ABL1: variants seen among roughly 807,000 people sequenced by gnomAD.
The protein encoded by ABL1 is ABL proto-oncogene 1, non-receptor tyrosine kinase.
In ABL1, 11 loss-of-function variants were observed where a neutral mutation model predicts 94.7. The ratio of observed to expected loss-of-function variants is 0.12; its 90% CI spans 0.07 to 0.19. The LOEUF (loss-of-function observed/expected upper bound fraction) is 0.19. ABL1 is among the 10% of genes least tolerant of loss of function. The pLI, the probability that ABL1 is intolerant of heterozygous loss-of-function variation, is 1.00. For missense variants in ABL1, 1,082 were observed against 1,489.4 expected, an observed-to-expected ratio of 0.73 and a Z score of 4.50; for synonymous variants, 656 against 622.4, an observed-to-expected ratio of 1.05 and a Z score of -0.80.
chr9:130,758,675 C>T (rs536287050), intron 1 of ABL1, among the ~76,000 whole-genome samples: 5 of 152,166 alleles, frequency 3.3e-5, no homozygotes, highest in Non-Finnish European at 7.3e-5. Context: ...TCAAGTGATC[C>T]ATCCACCTCG....
At chr9:130,765,086 A>G (rs1041129126) in intron 1 of ABL1, among the ~76,000 whole-genome samples, 1 of 152,092 alleles carries the variant, frequency 6.6e-6, no homozygotes, top group African/African-American at 2.4e-5. Context: ...TTTTGTCAAG[A>G]TGATTTTTTT....
At chr9:130,803,102 C>G (rs1042293237) in intron 1 of ABL1, among the ~76,000 whole-genome samples, 8 of 152,232 alleles carry the variant, frequency 5.3e-5, no homozygotes, top group Non-Finnish European at 1.0e-4. Flanking sequence ...TGCAATGGCG[C>G]GATCTCAGCT....
intron 1 of ABL1, among the ~76,000 whole-genome samples, chr9:130,811,194 G>A (rs1274544367): frequency 6.6e-6 from 1 of 152,102 alleles, no homozygotes; most frequent in East Asian, 1.9e-4. Flanking sequence ...AATGATAACT[G>A]GTAGAAAACT....
At position 130,884,464 on chromosome 9, in the gene ABL1, G is replaced by A; in HGVS notation, c.2174G>A (p.Gly725Glu). The change falls in exon 11 of 11, where the codon GGG becomes GAG. Residue 725 changes from glycine (G) to glutamate (E), a missense_variant. Gly to Glu is a moderately conservative substitution (Grantham distance 98). This residue lies in a region of ABL1 where 780 missense variants were observed against 835.8 expected (regional missense o/e 0.93). Coordinates refer to ENST00000318560, the MANE Select transcript of ABL1 (RefSeq NM_005157.6). The surrounding 1 kb of genome is among the most constrained non-coding windows in gnomAD (Gnocchi z 5.6). ...RSCSASCVPH[G>E]AKDTEWRSVT... is the part of the protein sequence containing the mutation. ...TGCTCCGCCTCCTGCGTTCCCCATG[G>A]GGCCAAGGACACGGAGTGGAGGTCA... 3 of 1,612,996 alleles carry A rather than the reference G, an allele frequency of 1.9e-6. No homozygotes were observed. The highest frequency in any genetic ancestry group is 2.5e-6 in the Non-Finnish European group (3 of 1,179,998).
chr9:130,864,620 G>T (rs969961732), intron 4 of ABL1, among the ~76,000 whole-genome samples: 9 of 152,306 alleles, frequency 5.9e-5, no homozygotes, highest in African/African-American at 2.2e-4. Context: ...CTCAACACTG[G>T]ATTAGAAAAT....
intron 1 of ABL1, among the ~76,000 whole-genome samples, chr9:130,793,225 C>G (rs1170522293): frequency 6.6e-6 from 1 of 152,170 alleles, no homozygotes; most frequent in East Asian, 1.9e-4. Context: ...CGCGCCTGGC[C>G]AAGGGTAATA....
chr9:130,750,474 CAG>C (rs1831949129), intron 1 of ABL1, among the ~76,000 whole-genome samples: 1 of 119,936 alleles, frequency 8.3e-6, no homozygotes, highest in African/African-American at 3.2e-5. Flanking sequence ...TCTTTTTTGA[CAG>C]AGTCTCACTG....
chr9:130,807,761 G>A (rs1295317502), intron 1 of ABL1, among the ~76,000 whole-genome samples: 2 of 137,892 alleles, frequency 1.5e-5, no homozygotes, highest in Admixed American at 7.6e-5. Flanking sequence ...GCAATGGTGC[G>A]ATCTCGGCTC....
chr9:130,721,822 G>GTTTT (rs746954089), intron 1 of ABL1, among the ~76,000 whole-genome samples: 14 of 120,878 alleles, frequency 1.2e-4, no homozygotes, highest in East Asian at 2.4e-4. Flanking sequence ...GTTTTTTTTT[G>GTTTT]TTTTTTTTTT....
At position 130,742,434 on chromosome 9, in the gene ABL1, C is replaced by T. The variant is rs544965741; in HGVS notation, c.136+27979C>T. ...GAAGTGCATTGGGAAAACTGGAGGC[C>T]ATTACTAGATTTACAGATGATGGGC... is the stretch of plus-strand genomic sequence containing the variant. On this transcript the variant is annotated intron_variant, in intron 1 of 10. Transcript: ENST00000372348. Among the ~76,000 whole-genome samples, 30 of 152,172 alleles carry T rather than the reference C, an allele frequency of 2.0e-4. 1 individual carries two copies. In the East Asian group the frequency reaches 5.8e-3, roughly 29 times the overall value.
At chr9:130,788,528 C>T (rs181487123) in intron 1 of ABL1, among the ~76,000 whole-genome samples, 46 of 152,156 alleles carry the variant, frequency 3.0e-4, no homozygotes, top group South Asian at 8.3e-4. Flanking sequence ...ACCTAAAATC[C>T]GTATTCCAAT....
chr9:130,714,478 G>C, intron 1 of ABL1: 1 of 1,614,160 alleles, frequency 6.2e-7, no homozygotes, highest in East Asian at 2.2e-5. Context: ...CAAAATTTCT[G>C]CTCATGGTTT....
At position 130,814,800 on chromosome 9, in the gene ABL1, C is replaced by T. The variant is rs1830261544; in HGVS notation, c.137-39264C>T. 6.6e-6 allele frequency among the ~76,000 whole-genome samples: 1 copy of T among 151,864 alleles called. No homozygotes were observed. The highest frequency in any genetic ancestry group is 2.4e-5 in the African/African-American group (1 of 41,330). ...GCTGAGGCAGGAGAATGGCTTGAAC[C>T]TGGGAGGCGGAGCTTGCAGTGAGCC... On this transcript the variant is annotated intron_variant, in intron 1 of 10. Coordinates refer to the ABL1 transcript ENST00000372348. The surrounding 1 kb of genome is among the most constrained non-coding windows in gnomAD (Gnocchi z 4.4).
intron 1 of ABL1, among the ~76,000 whole-genome samples, chr9:130,732,342 A>T (rs1831677199): frequency 6.6e-6 from 1 of 152,078 alleles, no homozygotes. Flanking sequence ...GCTTGAATAA[A>T]CAGTGTGGAA....
At chr9:130,857,214 A>G (rs1449342721) in intron 3 of ABL1, among the ~76,000 whole-genome samples, 9 of 152,216 alleles carry the variant, frequency 5.9e-5, no homozygotes, top group Admixed American at 2.0e-4. Context: ...GTGTGTGCAG[A>G]TAAGTTGCCA....
At chr9:130,847,247 A>T (rs1230710686) in intron 1 of ABL1, among the ~76,000 whole-genome samples, 1 of 152,242 alleles carries the variant, frequency 6.6e-6, no homozygotes, top group East Asian at 1.9e-4. Flanking sequence ...ATGACTCAGA[A>T]AGGAGGCTGC....
At chr9:130,796,473 CCACTG>C (rs1829975305) in intron 1 of ABL1, among the ~76,000 whole-genome samples, 1 of 152,238 alleles carries the variant, frequency 6.6e-6, no homozygotes, top group East Asian at 1.9e-4. Flanking sequence ...ATCAATCACA[CCACTG>C]CACGCTAGCC....
chr9:130,801,374 C>T lies in ABL1; in HGVS notation c.137-52690C>T, dbSNP rs186346092. 7.2e-3 allele frequency among the ~76,000 whole-genome samples: 1,089 copies of T among 152,200 alleles called. 17 individuals carry two copies. Among genetic ancestry groups the T allele is most frequent in the African/African-American group, 0.025 (1,047 of 41,532 alleles). On this transcript the variant is annotated intron_variant, in intron 1 of 10. Transcript: ENST00000372348. ...TCCCGAGCAGCTGGGACTACAGGTG[C>T]GTGCCACCACGCCCAGTTAATTTCT...
intron 1 of ABL1, among the ~76,000 whole-genome samples, chr9:130,752,987 T>G (rs986972478): frequency 6.8e-6 from 1 of 147,596 alleles, no homozygotes; most frequent in African/African-American, 2.5e-5. Flanking sequence ...CTGGGCGCAG[T>G]GGCTCACGCC....
Sources: gnomAD v4.1 joint callset for allele counts (sites outside exome capture counted in the v4.1 genomes callset) on GRCh38, gnomAD v4.1.1 for gene constraint, gnomAD v4.1.1 regional missense constraint, Gnocchi (gnomAD v3.1) non-coding constraint, MANE v1.5 for transcripts, NCBI Gene and HGNC (gene_info 2026-07-23, HGNC 2026-07-21) for gene names.